Variants in SLC71A2 observed in about 807,000 individuals in gnomAD.
The protein encoded by SLC71A2 is hippocampus abundant transcript-like 1.
the SLC71A2 span, among the ~76,000 whole-genome samples, chr9:94,388,942 T>C: frequency 1.3e-5 from 2 of 152,226 alleles, no homozygotes; most frequent in Non-Finnish European, 2.9e-5. Flanking sequence ...AGCTCTTTCT[T>C]GTTTTCTGAC....
chr9:94,431,295 G>A, the SLC71A2 span, among the ~76,000 whole-genome samples: 52 of 150,550 alleles, frequency 3.5e-4, no homozygotes, highest in African/African-American at 1.0e-3. Context: ...CCTGGGCGAC[G>A]GAGCGAGACT....
At chr9:94,378,610 A>G in the SLC71A2 span, among the ~76,000 whole-genome samples, 1 of 152,048 alleles carries the variant, frequency 6.6e-6, no homozygotes, top group Non-Finnish European at 1.5e-5. Context: ...CTCAAAAACA[A>G]ACAATAAACA....
chr9:94,459,137 C>G, the SLC71A2 span: 3 of 1,607,746 alleles, frequency 1.9e-6, no homozygotes, highest in Non-Finnish European at 2.6e-6. Flanking sequence ...TTCTTTGTCT[C>G]CACTTGTTTT....
chr9:94,392,735 G>A, the SLC71A2 span, among the ~76,000 whole-genome samples: 1 of 152,172 alleles, frequency 6.6e-6, no homozygotes, highest in South Asian at 2.1e-4. Flanking sequence ...TCTTGACCTT[G>A]TGATCTGCCT....
At chr9:94,403,330 T>C in the SLC71A2 span, among the ~76,000 whole-genome samples, 2 of 151,622 alleles carry the variant, frequency 1.3e-5, no homozygotes, top group African/African-American at 2.4e-5. Flanking sequence ...TAGAGACGGG[T>C]TTGCACCATG....
the SLC71A2 span, among the ~76,000 whole-genome samples, chr9:94,396,864 G>A: frequency 2.1e-4 from 32 of 152,082 alleles, 1 homozygote; most frequent in African/African-American, 7.2e-4. Flanking sequence ...TCTGCCTCCC[G>A]GGTTCAAGCA....
At chr9:94,423,701 A>G in the SLC71A2 span, among the ~76,000 whole-genome samples, 1 of 152,076 alleles carries the variant, frequency 6.6e-6, no homozygotes, top group Non-Finnish European at 1.5e-5. Context: ...CCTAAATATC[A>G]CTGAAATAAA....
At chr9:94,441,789 G>T in the SLC71A2 span, among the ~76,000 whole-genome samples, 1 of 152,148 alleles carries the variant, frequency 6.6e-6, no homozygotes, top group East Asian at 1.9e-4. Context: ...CATAGTTGCT[G>T]AATAACAAAA....
chr9:94,405,486 G>A, the SLC71A2 span, among the ~76,000 whole-genome samples: 1 of 141,986 alleles, frequency 7.0e-6, no homozygotes, highest in Non-Finnish European at 1.5e-5. Flanking sequence ...GCGACAGAGC[G>A]AGACTCCGTC....
At chr9:94,379,089 CTT>C in the SLC71A2 span, among the ~76,000 whole-genome samples, 18 of 84,078 alleles carry the variant, frequency 2.1e-4, no homozygotes, top group Admixed American at 1.4e-3. Flanking sequence ...TGTGCATTTC[CTT>C]TTTTTTTTTT....
At chr9:94,429,348 A>G in the SLC71A2 span, 2 of 1,475,760 alleles carry the variant, frequency 1.4e-6, no homozygotes, top group African/African-American at 2.9e-5. Flanking sequence ...GGAAACAAAT[A>G]CTATTTGTTC....
chr9:94,461,027 T>C, the SLC71A2 span: 9 of 152,286 alleles, frequency 5.9e-5, no homozygotes, highest in Admixed American at 2.0e-4. Flanking sequence ...GCAAAAGGTA[T>C]GTATTTTCAA....
chr9:94,422,738 A>G, the SLC71A2 span, among the ~76,000 whole-genome samples: 10 of 152,326 alleles, frequency 6.6e-5, no homozygotes, highest in South Asian at 2.1e-4. Flanking sequence ...TTTATTGGCC[A>G]TGTGAATATC....
chr9:94,405,571 G>C, the SLC71A2 span, among the ~76,000 whole-genome samples: 1 of 151,498 alleles, frequency 6.6e-6, no homozygotes, highest in Non-Finnish European at 1.5e-5. Context: ...GGGCTCAAGT[G>C]ATTCTCCTGT....
At chr9:94,382,285 G>A in the SLC71A2 span, among the ~76,000 whole-genome samples, 2 of 152,050 alleles carry the variant, frequency 1.3e-5, no homozygotes, top group Non-Finnish European at 2.9e-5. Flanking sequence ...CCTCAGCCTC[G>A]CAAAGTGCTG....
chr9:94,381,521 C>A, the SLC71A2 span, among the ~76,000 whole-genome samples: 2 of 152,290 alleles, frequency 1.3e-5, no homozygotes, highest in Admixed American at 6.5e-5. Context: ...TTTGTACATT[C>A]CCTTGTTGAT....
At chr9:94,429,203 A>G in the SLC71A2 span, 2 of 1,602,780 alleles carry the variant, frequency 1.2e-6, no homozygotes, top group East Asian at 2.2e-5. Flanking sequence ...TACATGAAAC[A>G]TTTTCTCAAC....
the SLC71A2 span, among the ~76,000 whole-genome samples, chr9:94,421,872 A>G: frequency 6.6e-6 from 1 of 151,792 alleles, no homozygotes; most frequent in Non-Finnish European, 1.5e-5. Context: ...GTGAGCTTCC[A>G]TAGCAGACAA....
chr9:94,444,264 G>C, the SLC71A2 span, among the ~76,000 whole-genome samples: 1 of 152,180 alleles, frequency 6.6e-6, no homozygotes, highest in Non-Finnish European at 1.5e-5. Context: ...AGGGGCTCAA[G>C]GTGGCTTCAG....
Sources: allele counts gnomAD v4.1 joint callset (sites outside exome capture counted in the v4.1 genomes callset), GRCh38; gene constraint gnomAD v4.1.1; transcripts MANE v1.5; gene names NCBI Gene and HGNC (gene_info 2026-07-23, HGNC 2026-07-21).